TRPM2: variants seen among roughly 807,000 people sequenced by gnomAD.
TRPM2 encodes transient receptor potential cation channel subfamily M member 2, also known as estrogen-responsive element-associated gene 1 protein.
A neutral mutation model predicts 174.0 loss-of-function variants in TRPM2; 161 were observed. The ratio of observed to expected loss-of-function variants is 0.93; its 90% CI spans 0.81 to 1.05. The LOEUF is 1.05. Ranked by LOEUF, TRPM2 falls within the 50% of genes least tolerant of loss-of-function variation. The pLI is 0.00. For missense variants in TRPM2, 2,057 were observed against 2,038.0 expected, an observed-to-expected ratio of 1.01 and a Z score of -0.18; for synonymous variants, 954 against 861.3, an observed-to-expected ratio of 1.11 and a Z score of -1.88.
At position 44,422,215 on chromosome 21, in the gene TRPM2, C is replaced by T. The variant is rs1377736295; in HGVS notation, c.3462-1430C>T. 13 of 1,519,636 alleles carry T rather than the reference C, an allele frequency of 8.6e-6. No individual in the cohort carries two copies. In the East Asian group the frequency reaches 2.5e-4, roughly 29 times the overall value. 94.1% of individuals were successfully genotyped at this position (1,519,636 alleles called of 1,614,324 possible). ...CTGGGAGGCGCATGAGTGTGGGGTG[C>T]CATAACCTTGCAGCACTGAGGTGAG... On this transcript the variant is annotated intron_variant, in intron 22 of 31. Coordinates refer to ENST00000397928, the MANE Select transcript of TRPM2 (RefSeq NM_003307.4).
rs114388010 is a variant in TRPM2, at chr21:44,438,982, G to A, written c.4168-85G>A. ...GCTGGGCCGCTGCCCACGCCGGGCA[G>A]GAGGCCAGTGGAGACGGGTGCCAGG... On this transcript the variant is annotated intron_variant, in intron 29 of 31. Coordinates refer to ENST00000397928, the MANE Select transcript of TRPM2 (RefSeq NM_003307.4). The surrounding 1 kb of genome is among the most constrained non-coding windows in gnomAD (Gnocchi z 5.9). The A allele has an allele frequency of 2.0e-3, 2,250 of 1,142,266 alleles. 28 individuals are homozygous for A. In the African/African-American group the frequency reaches 0.03, roughly 15 times the overall value. 70.8% of individuals were successfully genotyped at this position (1,142,266 alleles called of 1,614,324 possible).
At chr21:44,431,037 T>C (rs561264987) in intron 27 of TRPM2, among the ~76,000 whole-genome samples, 25 of 151,924 alleles carry the variant, frequency 1.6e-4, no homozygotes, top group African/African-American at 5.8e-4. Context: ...TTGGATTTGT[T>C]GATTATCTTA....
chr21:44,398,269 C>T (rs914752126), intron 13 of TRPM2, among the ~76,000 whole-genome samples: 4 of 149,922 alleles, frequency 2.7e-5, no homozygotes, highest in African/African-American at 5.0e-5. Context: ...GGCACAATCT[C>T]GGCTCACTAC....
Position 44,377,707 on chromosome 21 carries a change from T to A in TRPM2, c.953-5T>A, listed in dbSNP as rs762556780. The stretch of plus-strand genomic sequence containing the variant: ...GGCCCTCACTCGGCTGTGTGCTTTT[T>A]CTAGGTGTGGCCATCAAGATCCCCA... On this transcript the variant is annotated splice_region_variant and splice_polypyrimidine_tract_variant and intron_variant, in intron 6 of 31. Coordinates refer to ENST00000397928, the MANE Select transcript of TRPM2 (RefSeq NM_003307.4). 7 of 1,613,982 alleles carry A rather than the reference T, an allele frequency of 4.3e-6. No homozygotes were observed. Among genetic ancestry groups the A allele is most frequent in the Non-Finnish European group, 5.9e-6 (7 of 1,180,038 alleles).
At chr21:44,422,668 G>C (rs2050593982) in intron 22 of TRPM2, among the ~76,000 whole-genome samples, 1 of 152,158 alleles carries the variant, frequency 6.6e-6, no homozygotes, top group South Asian at 2.1e-4. Context: ...CTGGAGACTC[G>C]GGTTTGCCCA....
chr21:44,365,679 G>A (rs1036886135), intron 3 of TRPM2, among the ~76,000 whole-genome samples: 2 of 152,130 alleles, frequency 1.3e-5, no homozygotes, highest in South Asian at 2.1e-4. Flanking sequence ...CCAACCCCCC[G>A]GCTTCTCCCA....
intron 16 of TRPM2, among the ~76,000 whole-genome samples, chr21:44,404,175 GCA>G (rs778511800): frequency 4.6e-4 from 69 of 151,034 alleles, no homozygotes; most frequent in Non-Finnish European, 7.4e-4. Context: ...ATATACACAT[GCA>G]CACACAAAAA....
chr21:44,377,501 G>A (rs528049832), intron 6 of TRPM2, among the ~76,000 whole-genome samples: 13 of 152,200 alleles, frequency 8.5e-5, no homozygotes, highest in Non-Finnish European at 1.5e-4. Context: ...TTTAAACGGC[G>A]ACTCAGCACT....
intron 7 of TRPM2, 47 bp downstream of exon 7, chr21:44,377,820 G>T (rs1314354168): frequency 6.2e-7 from 1 of 1,604,466 alleles, no homozygotes; most frequent in African/African-American, 1.3e-5. Flanking sequence ...CCGTCCTGCT[G>T]CAGGCAGATG....
intron 9 of TRPM2, among the ~76,000 whole-genome samples, chr21:44,389,790 G>A (rs780740856): frequency 2.0e-5 from 3 of 151,812 alleles, no homozygotes; most frequent in Non-Finnish European, 2.9e-5. Context: ...GATACAAATC[G>A]TTCGTCAGAT....
chr21:44,424,337 G>A (rs531481753), intron 23 of TRPM2, among the ~76,000 whole-genome samples: 14 of 152,320 alleles, frequency 9.2e-5, no homozygotes, highest in African/African-American at 2.9e-4. Flanking sequence ...TGCCCAGGCC[G>A]CCCTCTACCC....
At chr21:44,423,833 A>G in intron 23 of TRPM2, 101 bp downstream of exon 23, 1 of 848,278 alleles carries the variant, frequency 1.2e-6, no homozygotes, top group Admixed American at 2.4e-5. Context: ...CTGAGGAGTG[A>G]TGGTGAGGAG....
In TRPM2 at chr21:44,432,893, A is replaced by G. The variant is rs1234353888; in HGVS notation, c.3975-2238A>G. On this transcript the variant is annotated intron_variant, in intron 27 of 31. Transcript: ENST00000397928. The surrounding 1 kb of genome is among the most constrained non-coding windows in gnomAD (Gnocchi z 4.9). ...GCTTTGGGGTTGTGTGCGTAGGTTTATGGACGGGCCTATGCCTTGATGTCG... is the reference window on the plus strand; with the variant it reads ...GCTTTGGGGTTGTGTGCGTAGGTTTGTGGACGGGCCTATGCCTTGATGTCG... 1.3e-5 allele frequency among the ~76,000 whole-genome samples: 2 copies of G among 152,204 alleles called. No homozygotes were observed. The highest frequency in any genetic ancestry group is 2.9e-5 in the Non-Finnish European group (2 of 68,032).
chr21:44,390,883 T>C (rs1602197233), intron 9 of TRPM2, 21 bp from the exon 10 acceptor site: 2 of 1,613,860 alleles, frequency 1.2e-6, no homozygotes, highest in East Asian at 2.2e-5. Context: ...CGAGGCCCAA[T>C]ATGCACCTGT....
chr21:44,421,135 T>A (rs2238723), intron 22 of TRPM2, among the ~76,000 whole-genome samples: 2 of 151,954 alleles, frequency 1.3e-5, no homozygotes, highest in East Asian at 3.9e-4. Context: ...CTGGCTAACA[T>A]GGTGAAACCT....
chr21:44,353,687 G>C lies in TRPM2; in HGVS notation c.-14G>C. On this transcript the variant is annotated 5_prime_UTR_variant, in exon 1 of 32. Transcript: ENST00000397928. ...GGCAGCAGGCCTGGTTGCAGCTGGC[G>C]TGGGGGTCTCAGAATGGAGCCCTCA... 6.7e-7 allele frequency: 1 copy of C among 1,482,032 alleles called. No homozygotes were observed. Among genetic ancestry groups the C allele is most frequent in the Non-Finnish European group, 8.9e-7 (1 of 1,118,866 alleles). The allele number at this position is 1,482,032 out of a possible 1,614,324, so 91.8% of individuals were successfully genotyped here.
intron 27 of TRPM2, among the ~76,000 whole-genome samples, chr21:44,431,690 C>T (rs932563674): frequency 1.3e-5 from 2 of 152,174 alleles, no homozygotes; most frequent in African/African-American, 2.4e-5. Flanking sequence ...GATGGTCAGC[C>T]TGGTCTTGAA....
upstream of TRPM2, among the ~76,000 whole-genome samples, chr21:44,351,488 T>G (rs2047925355): frequency 6.6e-6 from 1 of 152,214 alleles, no homozygotes; most frequent in Non-Finnish European, 1.5e-5. Context: ...GAAGCTCATT[T>G]CCTGAGTGCT....
intron 20 of TRPM2, among the ~76,000 whole-genome samples, chr21:44,417,146 G>T (rs1414306247): frequency 7.1e-6 from 1 of 140,384 alleles, no homozygotes; most frequent in African/African-American, 2.8e-5. Flanking sequence ...GCATCACAGT[G>T]GGCACGTGGG....
Sources: allele counts gnomAD v4.1 joint callset (sites outside exome capture counted in the v4.1 genomes callset), GRCh38; gene constraint gnomAD v4.1.1; non-coding constraint Gnocchi (gnomAD v3.1); transcripts MANE v1.5; gene names NCBI Gene and HGNC (gene_info 2026-07-23, HGNC 2026-07-21).